UHRF2: variants seen among roughly 807,000 people sequenced by gnomAD.
UHRF2 encodes E3 ubiquitin-protein ligase UHRF2.
In UHRF2, 23 loss-of-function variants were observed where a neutral mutation model predicts 96.8. That is an observed-to-expected ratio of 0.24 (90% CI 0.17 to 0.34). UHRF2 has a LOEUF of 0.34. Ranked by LOEUF, UHRF2 falls within the 10% of genes least tolerant of loss-of-function variation. The pLI is 1.00. For missense variants in UHRF2, 685 were observed against 981.5 expected, an observed-to-expected ratio of 0.70 and a Z score of 4.04; for synonymous variants, 385 against 332.6, an observed-to-expected ratio of 1.16 and a Z score of -1.72.
chr9:6,467,595 G>GTTTTTTT (rs34366483), intron 4 of UHRF2, among the ~76,000 whole-genome samples: 3 of 99,170 alleles, frequency 3.0e-5, no homozygotes, highest in African/African-American at 8.3e-5. Context: ...CGAGAGAATA[G>GTTTTTTT]TTTTTTTTTT....
chr9:6,469,825 A>G, intron 4 of UHRF2, among the ~76,000 whole-genome samples: 1 of 151,434 alleles, frequency 6.6e-6, no homozygotes, highest in East Asian at 1.9e-4. Context: ...TGGAATTCCT[A>G]AAGAAGAGAG....
chr9:6,474,477 G>A (rs915848237), intron 4 of UHRF2, among the ~76,000 whole-genome samples: 9 of 152,110 alleles, frequency 5.9e-5, no homozygotes, highest in Non-Finnish European at 8.8e-5. Context: ...AGGCCGAGGC[G>A]GGCAGGTCAC....
At chr9:6,481,334 C>T (rs1447379494) in intron 6 of UHRF2, among the ~76,000 whole-genome samples, 16 of 152,060 alleles carry the variant, frequency 1.1e-4, no homozygotes, top group Admixed American at 1.0e-3. Context: ...ACAGGAACTT[C>T]AAATTTCTAT....
chr9:6,431,974 T>A (rs1333726843), intron 2 of UHRF2, among the ~76,000 whole-genome samples: 1 of 152,230 alleles, frequency 6.6e-6, no homozygotes, highest in Non-Finnish European at 1.5e-5. Context: ...GTAACCTCAG[T>A]TTATTCTCCC....
At chr9:6,473,829 T>G (rs1300752622) in intron 4 of UHRF2, among the ~76,000 whole-genome samples, 3 of 152,196 alleles carry the variant, frequency 2.0e-5, no homozygotes, top group African/African-American at 7.2e-5. Context: ...TTTTTTGACC[T>G]ACGCTCCAGA....
At chr9:6,473,288 A>G (rs983739687) in intron 4 of UHRF2, among the ~76,000 whole-genome samples, 2 of 152,302 alleles carry the variant, frequency 1.3e-5, no homozygotes, top group South Asian at 4.1e-4. Context: ...ATTTAAATCC[A>G]TGAGTCCATA....
chr9:6,492,334 G>T, intron 9 of UHRF2: 1 of 1,244,318 alleles, frequency 8.0e-7, no homozygotes, highest in South Asian at 1.4e-5. Context: ...ATATTGTGGA[G>T]TCTGTCCAGA....
In UHRF2 at chr9:6,488,056, C is replaced by T. The variant is rs529323944; in HGVS notation, c.1497+1131C>T. Among the ~76,000 whole-genome samples, 38 of 151,264 alleles carry T rather than the reference C, an allele frequency of 2.5e-4. 1 individual carries two copies. The South Asian group carries it at 6.1e-3, about 24-fold the overall frequency. The stretch of plus-strand genomic sequence containing the variant: ...AGGAGTTCAAGACCAGCCTGGGCAA[C>T]GTGGCAAAGCCCTGTCCCTACCAAA... On this transcript the variant is annotated intron_variant, in intron 9 of 15. Coordinates refer to ENST00000276893, the MANE Select transcript of UHRF2 (RefSeq NM_152896.3).
At chr9:6,437,405 G>T (rs1030891318) in intron 3 of UHRF2, among the ~76,000 whole-genome samples, 1 of 152,002 alleles carries the variant, frequency 6.6e-6, no homozygotes, top group Non-Finnish European at 1.5e-5. Context: ...GCTAACTTTT[G>T]TATCTTTAGT....
At chr9:6,445,683 A>T (rs1297331348) in intron 3 of UHRF2, among the ~76,000 whole-genome samples, 1 of 152,022 alleles carries the variant, frequency 6.6e-6, no homozygotes, top group Non-Finnish European at 1.5e-5. Context: ...TCAGCCTCCT[A>T]AGTAGCTGGG....
chr9:6,445,258 G>A (rs545593769), intron 3 of UHRF2, among the ~76,000 whole-genome samples: 2 of 151,134 alleles, frequency 1.3e-5, no homozygotes, highest in Non-Finnish European at 2.9e-5. Flanking sequence ...TTTGACCTGT[G>A]TTATTTATGT....
chr9:6,436,625 G>A (rs1196758802), intron 3 of UHRF2, among the ~76,000 whole-genome samples: 1 of 152,184 alleles, frequency 6.6e-6, no homozygotes, highest in Non-Finnish European at 1.5e-5. Flanking sequence ...ACTTTAAATA[G>A]TGAACTAAGG....
At chr9:6,472,883 A>G (rs1440187423) in intron 4 of UHRF2, among the ~76,000 whole-genome samples, 5 of 152,228 alleles carry the variant, frequency 3.3e-5, no homozygotes. Context: ...AAAAAGACAC[A>G]TAATTTTTTT....
At chr9:6,443,702 C>T (rs1214809369) in intron 3 of UHRF2, among the ~76,000 whole-genome samples, 2 of 152,224 alleles carry the variant, frequency 1.3e-5, no homozygotes, top group African/African-American at 2.4e-5. Context: ...AAAAGGGTTG[C>T]TTAAACCAAA....
intron 2 of UHRF2, among the ~76,000 whole-genome samples, chr9:6,429,550 C>T (rs568294436): frequency 2.6e-5 from 4 of 152,236 alleles, no homozygotes; most frequent in Admixed American, 1.3e-4. Flanking sequence ...AGACTGGTCT[C>T]GAACTCCTGA....
At chr9:6,465,730 CTA>C (rs1331663161) in intron 4 of UHRF2, among the ~76,000 whole-genome samples, 1 of 152,090 alleles carries the variant, frequency 6.6e-6, no homozygotes, top group African/African-American at 2.4e-5. Flanking sequence ...TTGATCCTCT[CTA>C]TTGTATTGAA....
At chr9:6,473,812 T>G (rs910948093) in intron 4 of UHRF2, among the ~76,000 whole-genome samples, 20 of 152,216 alleles carry the variant, frequency 1.3e-4, no homozygotes, top group Admixed American at 2.0e-4. Context: ...AAACTTTATT[T>G]TTAAAGTTTT....
intron 4 of UHRF2, among the ~76,000 whole-genome samples, chr9:6,467,057 C>G (rs1423499532): frequency 6.6e-6 from 1 of 152,134 alleles, no homozygotes; most frequent in Non-Finnish European, 1.5e-5. Flanking sequence ...AACATAGTAG[C>G]TTAAACAATA....
intron 6 of UHRF2, 25 bp from the exon 7 acceptor site, chr9:6,481,618 C>T (rs1486952248): frequency 6.2e-7 from 1 of 1,603,804 alleles, no homozygotes; most frequent in Admixed American, 1.8e-5. Context: ...GTGAAAATGC[C>T]TTCGTTCTTT....
Sources: allele counts gnomAD v4.1 joint callset (sites outside exome capture counted in the v4.1 genomes callset), GRCh38; gene constraint gnomAD v4.1.1; transcripts MANE v1.5; gene names NCBI Gene and HGNC (gene_info 2026-07-23, HGNC 2026-07-21).